LYPLA1: variants seen among roughly 807,000 people sequenced by gnomAD.
The protein encoded by LYPLA1 is acyl-protein thioesterase 1.
Under a neutral mutation model 34.0 loss-of-function variants are expected in LYPLA1, and 17 were observed. The observed-to-expected ratio is 0.50, with a 90% CI of 0.34 to 0.75. LYPLA1 has a LOEUF of 0.75. Ranked by LOEUF, LYPLA1 falls within the 30% of genes least tolerant of loss-of-function variation. The pLI, the probability that LYPLA1 is intolerant of heterozygous loss-of-function variation, is 0.01. For missense variants in LYPLA1, 203 were observed against 288.8 expected (o/e 0.70, Z 2.15); for synonymous variants, 98 against 100.8 (o/e 0.97, Z 0.17).
chr8:54,092,560 T>C (rs1478729253), intron 2 of LYPLA1, among the ~76,000 whole-genome samples: 1 of 152,158 alleles, frequency 6.6e-6, no homozygotes, highest in Non-Finnish European at 1.5e-5. Context: ...CAGGAGCTAG[T>C]TGTACTGGAT....
chr8:54,060,230 A>G (rs1460926721), intron 5 of LYPLA1, among the ~76,000 whole-genome samples: 1 of 152,058 alleles, frequency 6.6e-6, no homozygotes, highest in Admixed American at 6.5e-5. Context: ...GGTTCAAACA[A>G]TTCTCCTGGC....
intron 2 of LYPLA1, among the ~76,000 whole-genome samples, chr8:54,077,135 T>A (rs1320638678): frequency 6.6e-6 from 1 of 151,854 alleles, no homozygotes; most frequent in African/African-American, 2.4e-5. Flanking sequence ...ATCGTACATA[T>A]ACACCATGAA....
intron 3 of LYPLA1, among the ~76,000 whole-genome samples, chr8:54,065,373 G>A (rs866317218): frequency 1.3e-5 from 2 of 151,814 alleles, no homozygotes; most frequent in Non-Finnish European, 1.5e-5. Context: ...CAGGAGAATC[G>A]CTTGAACCCA....
intron 7 of LYPLA1, 80 bp from the exon 8 acceptor site, chr8:54,051,268 A>T (rs1805825357): frequency 2.5e-6 from 3 of 1,179,352 alleles, no homozygotes; most frequent in Admixed American, 2.8e-5. Flanking sequence ...ATTGTACATA[A>T]ATATGCATAT....
intron 8 of LYPLA1, among the ~76,000 whole-genome samples, chr8:54,049,262 A>C (rs1030459426): frequency 1.1e-4 from 16 of 152,336 alleles, no homozygotes; most frequent in African/African-American, 3.8e-4. Flanking sequence ...AGGTCTTCTC[A>C]AGCCTCCAGA....
chr8:54,068,096 C>T (rs1371383595), intron 2 of LYPLA1, among the ~76,000 whole-genome samples: 1 of 152,090 alleles, frequency 6.6e-6, no homozygotes, highest in South Asian at 2.1e-4. Context: ...GCAATACTTA[C>T]ATAACATTAA....
intron 2 of LYPLA1, among the ~76,000 whole-genome samples, chr8:54,076,524 G>A (rs1053449102): frequency 6.9e-6 from 1 of 144,504 alleles, no homozygotes; most frequent in East Asian, 1.9e-4. Flanking sequence ...CATGTTGGGA[G>A]CAAGCCCCCC....
chr8:54,073,940 G>A (rs1395272896), intron 2 of LYPLA1, among the ~76,000 whole-genome samples: 2 of 152,136 alleles, frequency 1.3e-5, no homozygotes, highest in Non-Finnish European at 2.9e-5. Context: ...GGATAGTTTT[G>A]AGTAGAGGTG....
At chr8:54,063,926 C>G (rs896479295) in intron 3 of LYPLA1, among the ~76,000 whole-genome samples, 1 of 152,180 alleles carries the variant, frequency 6.6e-6, no homozygotes, top group Non-Finnish European at 1.5e-5. Flanking sequence ...CTGAATTCAG[C>G]TCCATCCAAA....
intron 2 of LYPLA1, among the ~76,000 whole-genome samples, chr8:54,074,532 T>C (rs1381281282): frequency 1.3e-5 from 2 of 152,236 alleles, no homozygotes; most frequent in Non-Finnish European, 2.9e-5. Context: ...ATACACCTTT[T>C]CCAGGACCTT....
chr8:54,052,862 G>A (rs1731384932), intron 6 of LYPLA1, 106 bp from the exon 7 acceptor site: 3 of 692,662 alleles, frequency 4.3e-6, no homozygotes, highest in East Asian at 2.6e-5. Flanking sequence ...AAACTTGGTG[G>A]CTGGTGTCAA....
chr8:54,100,274 A>T (rs1810018595), intron 2 of LYPLA1: 1 of 152,472 alleles, frequency 6.6e-6, no homozygotes, highest in Non-Finnish European at 1.5e-5. Flanking sequence ...ACTTGAGCCC[A>T]GGAGTTCAAA....
rs563715897 is a variant in LYPLA1, at chr8:54,084,350, C to T, written c.101+16558G>A. ...CTTTGGGAAGCTGAGGCGGGTGGAT[C>T]GCTTGATGTCAGGAGTTAGAGACCA... On this transcript the variant is annotated intron_variant, in intron 2 of 8. Coordinates refer to ENST00000316963, the MANE Select transcript of LYPLA1 (RefSeq NM_006330.4). Among the ~76,000 whole-genome samples the T allele has an allele frequency of 2.0e-4, 31 of 151,832 alleles. 1 individual carries two copies. The South Asian group carries it at 5.6e-3, about 27-fold the overall frequency.
intron 1 of LYPLA1, 112 bp downstream of exon 1, chr8:54,101,643 G>A: frequency 2.6e-6 from 3 of 1,153,662 alleles, no homozygotes; most frequent in Admixed American, 4.6e-5. Flanking sequence ...GGGCCGGGAG[G>A]AGCGTCCTCG....
At chr8:54,077,873 T>C (rs980069030) in intron 2 of LYPLA1, among the ~76,000 whole-genome samples, 2 of 152,130 alleles carry the variant, frequency 1.3e-5, no homozygotes, top group African/African-American at 2.4e-5. Flanking sequence ...AAAATACTCC[T>C]GGGGAGCTGG....
At chr8:54,057,893 C>T (rs1806327065) in intron 5 of LYPLA1, among the ~76,000 whole-genome samples, 1 of 152,094 alleles carries the variant, frequency 6.6e-6, no homozygotes, top group African/African-American at 2.4e-5. Context: ...CATTGCATCC[C>T]TGTATCAAAA....
At chr8:54,073,014 T>A in intron 2 of LYPLA1, 2 of 398,346 alleles carry the variant, frequency 5.0e-6, no homozygotes, top group Non-Finnish European at 4.7e-6. Flanking sequence ...ATTAGAGAAA[T>A]GCAAATCAAA....
chr8:54,073,779 T>C (rs117994686), intron 2 of LYPLA1, among the ~76,000 whole-genome samples: 1 of 152,084 alleles, frequency 6.6e-6, no homozygotes, highest in African/African-American at 2.4e-5. Context: ...AAAAAACTAC[T>C]TCTTTTTTCA....
intron 2 of LYPLA1, among the ~76,000 whole-genome samples, chr8:54,075,182 G>C (rs993447690): frequency 7.2e-5 from 11 of 152,208 alleles, no homozygotes; most frequent in Non-Finnish European, 1.2e-4. Context: ...CCTGCCCAAA[G>C]GCCAGATGTT....
Sources: allele counts gnomAD v4.1 joint callset (sites outside exome capture counted in the v4.1 genomes callset), GRCh38; gene constraint gnomAD v4.1.1; transcripts MANE v1.5; gene names NCBI Gene and HGNC (gene_info 2026-07-23, HGNC 2026-07-21).